The following CPED1 variants were observed in gnomAD, a reference collection of about 807,000 sequenced individuals.
The protein encoded by CPED1 is cadherin like and PC-esterase domain containing 1, also known as cadherin-like and PC-esterase domain-containing protein 1.
In CPED1, 114 loss-of-function variants were observed where a neutral mutation model predicts 128.2. The observed-to-expected ratio is 0.89, with a 90% CI of 0.76 to 1.04. CPED1 has a LOEUF of 1.04. CPED1 is among the 50% of genes least tolerant of loss of function. The pLI is 0.00. For synonymous variants in CPED1, 462 were observed against 426.7 expected, an observed-to-expected ratio of 1.08 and a Z score of -1.02; for missense variants, 1,211 against 1,207.1, an observed-to-expected ratio of 1.00 and a Z score of -0.05.
In CPED1 at chr7:121,180,117, T is replaced by G. The variant is rs570048597; in HGVS notation, c.2055+37976T>G. Among the ~76,000 whole-genome samples the G allele has an allele frequency of 1.8e-3, 270 of 152,176 alleles. 3 individuals are homozygous for G. Among genetic ancestry groups the G allele is most frequent in the Non-Finnish European group, 3.4e-3 (233 of 67,956 alleles). On this transcript the variant is annotated intron_variant, in intron 16 of 22. Transcript: ENST00000310396. ...AGAATCTTGGAATAGTATCACATGG[T>G]GGTCCCAAAGACCAGATGATAGGTA...
chr7:121,030,677 T>G, intron 3 of CPED1, among the ~76,000 whole-genome samples: 1 of 152,354 alleles, frequency 6.6e-6, no homozygotes, highest in East Asian at 1.9e-4. Flanking sequence ...TTCTATTTTA[T>G]TATTAGTTAT....
intron 16 of CPED1, among the ~76,000 whole-genome samples, chr7:121,234,329 T>A (rs1441143611): frequency 1.3e-5 from 2 of 152,194 alleles, no homozygotes; most frequent in South Asian, 4.1e-4. Flanking sequence ...AGCCGGTTCA[T>A]GAATGTTGAA....
chr7:121,041,586 C>A (rs915145344), intron 3 of CPED1, among the ~76,000 whole-genome samples: 1 of 152,058 alleles, frequency 6.6e-6, no homozygotes, highest in Non-Finnish European at 1.5e-5. Flanking sequence ...AATTACGGAT[C>A]TTGCAGATGT....
At chr7:121,229,543 T>C (rs1389414550) in intron 16 of CPED1, among the ~76,000 whole-genome samples, 1 of 151,994 alleles carries the variant, frequency 6.6e-6, no homozygotes, top group Non-Finnish European at 1.5e-5. Flanking sequence ...GGGAAACCAT[T>C]AGAAATCTCA....
Position 121,269,984 on chromosome 7 carries a change from G to C in CPED1, c.2722-1300G>C, listed in dbSNP as rs146196983. 2.6e-3 allele frequency among the ~76,000 whole-genome samples: 402 copies of C among 152,138 alleles called. 3 individuals are homozygous for C. Among genetic ancestry groups the C allele is most frequent in the African/African-American group, 9.4e-3 (389 of 41,532 alleles). ...AGCAAGTGTGTCACATGACGAGAGT[G>C]ACATAATGAGAAAGGGAGAAGGAGA... On this transcript the variant is annotated intron_variant, in intron 21 of 22. Coordinates refer to ENST00000310396, the MANE Select transcript of CPED1 (RefSeq NM_024913.5).
chr7:121,144,146 A>T (rs1052836680), intron 16 of CPED1, among the ~76,000 whole-genome samples: 1 of 152,058 alleles, frequency 6.6e-6, no homozygotes, highest in Non-Finnish European at 1.5e-5. Context: ...TCAAAAAACT[A>T]AAAATACAAC....
chr7:121,015,771 T>C lies in CPED1; in HGVS notation c.356T>C (p.Leu119Pro), dbSNP rs1446939706. Residue 119 changes from leucine to proline, a missense_variant, in exon 3 of 23, where the codon CTG becomes CCG. Physicochemically the swap from Leu to Pro is moderately conservative, Grantham distance 98 (BLOSUM62 -3). Coordinates refer to ENST00000310396, the MANE Select transcript of CPED1 (RefSeq NM_024913.5). ...KTELQLHQHILTQHGYTVVIA... is the reference protein window; with the variant it reads ...KTELQLHQHIPTQHGYTVVIA... ...GAGCTTCAGCTACACCAGCACATTC[T>C]GACTCAACATGGCTATACGGTTGTC... 1.2e-6 allele frequency: 2 copies of C among 1,611,998 alleles called. No individual in the cohort carries two copies. Among genetic ancestry groups the C allele is most frequent in the Middle Eastern group, 3.3e-4 (2 of 6,058 alleles).
chr7:121,295,898 C>T lies in CPED1; in HGVS notation c.*246C>T, dbSNP rs1054484792. 3 of 364,894 alleles carry T rather than the reference C, an allele frequency of 8.2e-6. No individual in the cohort carries two copies. Among genetic ancestry groups the T allele is most frequent in the Non-Finnish European group, 1.5e-5 (3 of 200,412 alleles). The allele number at this position is 364,894 out of a possible 1,614,324, so 22.6% of individuals were successfully genotyped here. A position where few individuals can be genotyped will look rare whatever the true frequency, so the allele number is the denominator to read the frequency against. On this transcript the variant is annotated 3_prime_UTR_variant, in exon 23 of 23. Coordinates refer to ENST00000310396, the MANE Select transcript of CPED1 (RefSeq NM_024913.5). Reference sequence around the variant, plus strand: ...ACAGTGAAAGATATACCTAGAGAAACGTTACTTGAAGCATAATTATTAACC... The same window carrying T: ...ACAGTGAAAGATATACCTAGAGAAATGTTACTTGAAGCATAATTATTAACC...
At chr7:121,228,370 A>G (rs1002580393) in intron 16 of CPED1, among the ~76,000 whole-genome samples, 2 of 152,026 alleles carry the variant, frequency 1.3e-5, no homozygotes, top group African/African-American at 2.4e-5. Flanking sequence ...CAAATCGCCA[A>G]TGGGTACATG....
At chr7:121,244,456 G>A (rs1302278068) in intron 18 of CPED1, 118 bp downstream of exon 18, 1 of 1,009,586 alleles carries the variant, frequency 9.9e-7, no homozygotes, top group African/African-American at 1.6e-5. Flanking sequence ...AAAACTAACT[G>A]AATGCAATAT....
At chr7:121,180,946 CTG>C (rs1235138455) in intron 16 of CPED1, among the ~76,000 whole-genome samples, 1 of 152,014 alleles carries the variant, frequency 6.6e-6, no homozygotes, top group Non-Finnish European at 1.5e-5. Context: ...GAAACTGTGA[CTG>C]TATGACATTT....
At chr7:121,004,502 C>G (rs1466705576) in intron 2 of CPED1, among the ~76,000 whole-genome samples, 1 of 152,068 alleles carries the variant, frequency 6.6e-6, no homozygotes, top group Non-Finnish European at 1.5e-5. Flanking sequence ...GCCACAAGTT[C>G]GTTCATGATG....
intron 7 of CPED1, among the ~76,000 whole-genome samples, chr7:121,117,077 T>TTATATATATATATATA (rs34007948): frequency 1.4e-4 from 18 of 128,768 alleles, no homozygotes; most frequent in Admixed American, 2.5e-4. Context: ...TATATACACA[T>TTATATATATATATATA]TATATATATA....
chr7:121,178,251 A>G (rs1796827593), intron 16 of CPED1, among the ~76,000 whole-genome samples: 1 of 152,138 alleles, frequency 6.6e-6, no homozygotes, highest in African/African-American at 2.4e-5. Flanking sequence ...ATGAAAAAGC[A>G]TCTAAAAGTT....
chr7:121,103,964 G>GA (rs1278761630), intron 7 of CPED1, among the ~76,000 whole-genome samples: 1 of 152,012 alleles, frequency 6.6e-6, no homozygotes, highest in African/African-American at 2.4e-5. Context: ...AGGAATAATG[G>GA]AAAATAGAAG....
intron 16 of CPED1, among the ~76,000 whole-genome samples, chr7:121,208,487 C>T (rs1271294220): frequency 1.3e-5 from 2 of 151,992 alleles, no homozygotes; most frequent in East Asian, 3.9e-4. Flanking sequence ...ACATGTATCC[C>T]TTCATTTAAT....
intron 5 of CPED1, among the ~76,000 whole-genome samples, chr7:121,080,165 C>T (rs1794248493): frequency 6.6e-6 from 1 of 152,134 alleles, no homozygotes; most frequent in African/African-American, 2.4e-5. Context: ...CATATTTTTA[C>T]TTTGCAGATT....
At chr7:121,015,996 C>CT (rs533912827) in intron 3 of CPED1, 148 bp downstream of exon 3, 27 of 488,566 alleles carry the variant, frequency 5.5e-5, no homozygotes, top group East Asian at 1.4e-4. Flanking sequence ...AAACTTATCT[C>CT]TTTTTTTTAA....
chr7:121,258,995 A>G (rs1791950763), intron 18 of CPED1, among the ~76,000 whole-genome samples: 2 of 152,098 alleles, frequency 1.3e-5, no homozygotes, highest in Admixed American at 1.3e-4. Context: ...TGGCCAGGGC[A>G]TTGAGAACTA....
Sources: allele counts gnomAD v4.1 joint callset (sites outside exome capture counted in the v4.1 genomes callset), GRCh38; gene constraint gnomAD v4.1.1; transcripts MANE v1.5; gene names NCBI Gene and HGNC (gene_info 2026-07-23, HGNC 2026-07-21).